The following ATP6V1G3 variants were observed in gnomAD, a reference collection of about 807,000 sequenced individuals.
ATP6V1G3 encodes ATPase H+ transporting V1 subunit G3, also known as V-type proton ATPase subunit G 3.
Under a neutral mutation model 9.3 loss-of-function variants are expected in ATP6V1G3, and 9 were observed. The ratio of observed to expected loss-of-function variants is 0.97; its 90% CI spans 0.59 to 1.69. The LOEUF is 1.69. ATP6V1G3 is among the 40% of genes most tolerant of loss of function. The pLI, the probability that ATP6V1G3 is intolerant of heterozygous loss-of-function variation, is 0.00. For missense variants in ATP6V1G3, 133 were observed against 139.0 expected, an observed-to-expected ratio of 0.96 and a Z score of 0.22; for synonymous variants, 43 against 43.8, an observed-to-expected ratio of 0.98 and a Z score of 0.07.
At chr1:198,538,127 AT>A (rs1479450362) in intron 1 of ATP6V1G3, among the ~76,000 whole-genome samples, 7 of 152,194 alleles carry the variant, frequency 4.6e-5, no homozygotes, top group African/African-American at 7.2e-5. Flanking sequence ...AAGCCTGGGT[AT>A]TTACTATTAC....
chr1:198,529,086 A>G lies in ATP6V1G3; in HGVS notation c.178T>C (p.Ser60Pro), dbSNP rs376149640. Residue 60 changes from serine (S) to proline (P), a missense_variant, in exon 2 of 3, where the codon TCT becomes CCT. Coordinates refer to ENST00000367382, the MANE Select transcript of ATP6V1G3 (RefSeq NM_001376861.1). ...GTGCTGACTTTCTTACTCACCTTAG[A>G]TTGTTTTAGTCGAAACTCTTTATCT... ...QRDKEFRLKQ[S>P]KIMGSQNNLS... 6.1e-6 allele frequency: 9 copies of G among 1,481,674 alleles called. No individual in the cohort carries two copies. The highest frequency in any genetic ancestry group is 1.8e-5 in the Admixed American group (1 of 54,598). The allele number at this position is 1,481,674 out of a possible 1,614,324, so 91.8% of individuals were successfully genotyped here. A position where few individuals can be genotyped will look rare whatever the true frequency, so the allele number is the denominator to read the frequency against.
intron 1 of ATP6V1G3, among the ~76,000 whole-genome samples, chr1:198,534,158 T>C (rs1660018277): frequency 6.6e-6 from 1 of 152,190 alleles, no homozygotes; most frequent in Admixed American, 6.5e-5. Flanking sequence ...ACCTCTGATG[T>C]AACCTTACTT....
At chr1:198,526,074 T>A (rs375861718) in intron 2 of ATP6V1G3, among the ~76,000 whole-genome samples, 35 of 152,312 alleles carry the variant, frequency 2.3e-4, no homozygotes, top group East Asian at 9.6e-4. Flanking sequence ...TCATCCTGCA[T>A]AATTAAACAA....
At chr1:198,536,495 A>T (rs987787046) in intron 1 of ATP6V1G3, among the ~76,000 whole-genome samples, 1 of 152,210 alleles carries the variant, frequency 6.6e-6, no homozygotes, top group African/African-American at 2.4e-5. Flanking sequence ...ACAATTTATT[A>T]AGTAAAGAGC....
intron 1 of ATP6V1G3, chr1:198,536,673 T>C (rs1191298842): frequency 6.3e-7 from 1 of 1,595,196 alleles, no homozygotes; most frequent in Admixed American, 1.7e-5. Flanking sequence ...TTTCTAGTCA[T>C]CTTACCAGAA....
chr1:198,532,608 G>A (rs1659948314), intron 1 of ATP6V1G3, among the ~76,000 whole-genome samples: 1 of 152,122 alleles, frequency 6.6e-6, no homozygotes, highest in Non-Finnish European at 1.5e-5. Flanking sequence ...AGAATAAGGG[G>A]TAAAGAAAGA....
chr1:198,532,350 G>GAGA (rs1238088788), intron 1 of ATP6V1G3, among the ~76,000 whole-genome samples: 1 of 152,122 alleles, frequency 6.6e-6, no homozygotes, highest in Non-Finnish European at 1.5e-5. Flanking sequence ...AAAGACAGAA[G>GAGA]AGAACATTCC....
chr1:198,529,289 A>G (rs1244511795), intron 1 of ATP6V1G3, 108 bp from the exon 2 acceptor site: 4 of 251,278 alleles, frequency 1.6e-5, no homozygotes, highest in Non-Finnish European at 2.7e-5. Context: ...AACTGTACAT[A>G]TATGTTACAC....
At chr1:198,532,605 G>C (rs1430963034) in intron 1 of ATP6V1G3, among the ~76,000 whole-genome samples, 1 of 152,134 alleles carries the variant, frequency 6.6e-6, no homozygotes, top group Non-Finnish European at 1.5e-5. Context: ...AGGAGAATAA[G>C]GGGTAAAGAA....
intron 1 of ATP6V1G3, chr1:198,536,768 C>A: frequency 7.1e-7 from 1 of 1,406,498 alleles, no homozygotes; most frequent in South Asian, 1.2e-5. Flanking sequence ...TCATTCTAGT[C>A]TATATCATTC....
Position 198,529,142 on chromosome 1 carries a change from A to G in ATP6V1G3, c.122T>C (p.Met41Thr). The G allele has an allele frequency of 1.4e-6, 2 of 1,457,726 alleles. 1 individual carries two copies. Among genetic ancestry groups the G allele is most frequent in the Admixed American group, 4.0e-5 (2 of 49,914 alleles). The allele number at this position is 1,457,726 out of a possible 1,614,324, so 90.3% of individuals were successfully genotyped here. A position where few individuals can be genotyped will look rare whatever the true frequency, so the allele number is the denominator to read the frequency against. ...CATTCTGTACTGGTCAATTTCTACC[A>G]TTGCTTCCTCCTTGGCTTGCTTCAA... ...KRLKQAKEEA[M>T]VEIDQYRMQR... Residue 41 changes from methionine to threonine, a missense_variant, in exon 2 of 3, where the codon ATG becomes ACG. Transcript: ENST00000367382.
At chr1:198,537,306 A>G (rs1340116787) in intron 1 of ATP6V1G3, among the ~76,000 whole-genome samples, 2 of 152,118 alleles carry the variant, frequency 1.3e-5, no homozygotes, top group Admixed American at 6.6e-5. Context: ...ATATATTAAT[A>G]TTTTTTCAGC....
chr1:198,536,204 C>A (rs1462279684), intron 1 of ATP6V1G3, among the ~76,000 whole-genome samples: 2 of 151,980 alleles, frequency 1.3e-5, no homozygotes, highest in Non-Finnish European at 2.9e-5. Flanking sequence ...TATTTCAGAA[C>A]AATGTTAATG....
intron 2 of ATP6V1G3, among the ~76,000 whole-genome samples, chr1:198,525,923 T>C (rs997953831): frequency 6.6e-6 from 1 of 152,150 alleles, no homozygotes; most frequent in Non-Finnish European, 1.5e-5. Context: ...TCAGTTTAAC[T>C]CTGAACAAGT....
In ATP6V1G3 at chr1:198,529,133, A is replaced by G. The variant is rs150515999; in HGVS notation, c.131T>C (p.Ile44Thr). 2.1e-4 allele frequency: 315 copies of G among 1,465,308 alleles called. No individual in the cohort carries two copies. Among genetic ancestry groups the G allele is most frequent in the African/African-American group, 1.0e-3 (70 of 69,460 alleles). The allele number at this position is 1,465,308 out of a possible 1,614,324, so 90.8% of individuals were successfully genotyped here. The change falls in exon 2 of 3, where the codon ATT (isoleucine) becomes ACT (threonine). Residue 44 changes from isoleucine (I) to threonine (T), a missense_variant. Ile to Thr is a moderately conservative substitution (Grantham distance 89). Coordinates refer to ENST00000367382, the MANE Select transcript of ATP6V1G3 (RefSeq NM_001376861.1). ...ATCTCTCTGCATTCTGTACTGGTCA[A>G]TTTCTACCATTGCTTCCTCCTTGGC... ...KQAKEEAMVEIDQYRMQRDKE... is the reference protein window; with the variant it reads ...KQAKEEAMVETDQYRMQRDKE...
At chr1:198,529,398 A>C (rs940907505) in intron 1 of ATP6V1G3, among the ~76,000 whole-genome samples, 2 of 151,776 alleles carry the variant, frequency 1.3e-5, no homozygotes, top group African/African-American at 4.8e-5. Flanking sequence ...TTGCTAAAAA[A>C]ATAGATATTG....
At chr1:198,530,423 A>T (rs1171419182) in intron 1 of ATP6V1G3, among the ~76,000 whole-genome samples, 2 of 152,162 alleles carry the variant, frequency 1.3e-5, no homozygotes, top group Non-Finnish European at 2.9e-5. Flanking sequence ...GAGTTGCTTC[A>T]CTAGTCTCTG....
chr1:198,534,428 T>G (rs748627512), intron 1 of ATP6V1G3, among the ~76,000 whole-genome samples: 1 of 152,142 alleles, frequency 6.6e-6, no homozygotes, highest in Non-Finnish European at 1.5e-5. Context: ...CCCTCGGTGC[T>G]TCCAGAAGGA....
At chr1:198,535,892 GC>G (rs1408928051) in intron 1 of ATP6V1G3, among the ~76,000 whole-genome samples, 1 of 152,170 alleles carries the variant, frequency 6.6e-6, no homozygotes, top group East Asian at 1.9e-4. Flanking sequence ...TTGGGAGAAA[GC>G]TAGAGCAGTG....
Sources: gnomAD v4.1 joint callset for allele counts (sites outside exome capture counted in the v4.1 genomes callset) on GRCh38, gnomAD v4.1.1 for gene constraint, MANE v1.5 for transcripts, NCBI Gene and HGNC (gene_info 2026-07-23, HGNC 2026-07-21) for gene names.